The following MBNL2 variants were observed in gnomAD, a reference collection of about 807,000 sequenced individuals.
MBNL2 encodes muscleblind-like protein 2.
MBNL2 carries 17 observed loss-of-function variants against 41.9 expected under a neutral mutation model. The observed-to-expected ratio is 0.41, with a 90% CI of 0.28 to 0.61. MBNL2 has a LOEUF of 0.61. Among genes scored for constraint, MBNL2 ranks in the 20% least tolerant of loss-of-function variants. The pLI, the probability that MBNL2 is intolerant of heterozygous loss-of-function variation, is 0.35. For missense variants in MBNL2, 336 were observed against 505.6 expected (o/e 0.66, Z 3.22); for synonymous variants, 195 against 182.9 (o/e 1.07, Z -0.53).
At chr13:97,358,953 T>C (rs1334412250) in intron 7 of MBNL2, among the ~76,000 whole-genome samples, 2 of 152,202 alleles carry the variant, frequency 1.3e-5, no homozygotes, top group Admixed American at 6.5e-5. Context: ...ACAATACATA[T>C]TTTAGTTAAC....
At chr13:97,314,222 A>G (rs953853158) in intron 2 of MBNL2, among the ~76,000 whole-genome samples, 1 of 152,012 alleles carries the variant, frequency 6.6e-6, no homozygotes, top group African/African-American at 2.4e-5. Context: ...GGACCATTGC[A>G]TTTCCTCACT....
upstream of MBNL2, among the ~76,000 whole-genome samples, chr13:97,218,430 C>CAAAAAAAAAAAAAAAAAA (rs746110575): frequency 7.2e-5 from 5 of 69,034 alleles, no homozygotes; most frequent in African/African-American, 2.0e-4. Context: ...AAAAACAAAA[C>CAAAAAAAAAAAAAAAAAA]AAAACAAAAC....
chr13:97,232,650 CAGTTGTA>C (rs1436912919), intron 1 of MBNL2, among the ~76,000 whole-genome samples: 1 of 152,138 alleles, frequency 6.6e-6, no homozygotes, highest in Non-Finnish European at 1.5e-5. Context: ...ACTTCCCCGA[CAGTTGTA>C]AGTACTGTTA....
chr13:97,245,123 T>C (rs1021656013), intron 1 of MBNL2, among the ~76,000 whole-genome samples: 2 of 152,176 alleles, frequency 1.3e-5, no homozygotes, highest in Non-Finnish European at 2.9e-5. Flanking sequence ...AGGATTAGGT[T>C]AAGACTTAAT....
chr13:97,177,383 A>G, the MBNL2 span, among the ~76,000 whole-genome samples: 1 of 152,178 alleles, frequency 6.6e-6, no homozygotes, highest in Non-Finnish European at 1.5e-5. Context: ...CAGCCATGAA[A>G]GAACAATATG....
intron 2 of MBNL2, among the ~76,000 whole-genome samples, chr13:97,290,111 G>T (rs2055522046): frequency 6.6e-6 from 1 of 152,118 alleles, no homozygotes. Flanking sequence ...ACCAGTTCTG[G>T]TTTGGAGCCA....
the MBNL2 span, among the ~76,000 whole-genome samples, chr13:97,207,532 C>T: frequency 6.6e-6 from 1 of 152,160 alleles, no homozygotes; most frequent in South Asian, 2.1e-4. Flanking sequence ...TCTTGTGAGA[C>T]TTATTCACTG....
the MBNL2 span, among the ~76,000 whole-genome samples, chr13:97,163,182 A>C: frequency 2.6e-5 from 4 of 152,190 alleles, no homozygotes; most frequent in South Asian, 8.3e-4. Flanking sequence ...TTGAAGGATA[A>C]CATCTTTGGT....
chr13:97,147,671 A>G, the MBNL2 span, among the ~76,000 whole-genome samples: 2 of 152,222 alleles, frequency 1.3e-5, no homozygotes, highest in East Asian at 1.9e-4. Flanking sequence ...GGAAAGAAAT[A>G]GCATTACAGC....
At chr13:97,147,958 G>A in the MBNL2 span, among the ~76,000 whole-genome samples, 1 of 152,136 alleles carries the variant, frequency 6.6e-6, no homozygotes, top group Non-Finnish European at 1.5e-5. Flanking sequence ...AGCAAAGGGA[G>A]GCAACTAGAA....
the MBNL2 span, among the ~76,000 whole-genome samples, chr13:97,178,656 G>A: frequency 6.6e-6 from 1 of 152,164 alleles, no homozygotes; most frequent in African/African-American, 2.4e-5. Context: ...AGTACTTTGG[G>A]AGGCCAAGGC....
chr13:97,289,071 G>C lies in MBNL2; in HGVS notation c.174+12662G>C, dbSNP rs531893846. Among the ~76,000 whole-genome samples, 5 of 152,260 alleles carry C rather than the reference G, an allele frequency of 3.3e-5. No homozygotes were observed. The East Asian group carries it at 9.7e-4, about 29-fold the overall frequency. Reference sequence around the variant, plus strand: ...CAGAATGGCTAGATTCAACTTCAGGGATGATTATATTTCATTTAGATTATT... The same window carrying C: ...CAGAATGGCTAGATTCAACTTCAGGCATGATTATATTTCATTTAGATTATT... On this transcript the variant is annotated intron_variant, in intron 2 of 8. Coordinates refer to ENST00000679496, the MANE Select transcript of MBNL2 (RefSeq NM_001382683.1).
rs749941533 is a variant in MBNL2, at chr13:97,347,088, C to T, written c.804+21C>T. The T allele has an allele frequency of 4.0e-6, 6 of 1,508,978 alleles. No individual in the cohort carries two copies. The South Asian group carries it at 6.4e-5, about 16-fold the overall frequency. 93.5% of individuals were successfully genotyped at this position (1,508,978 alleles called of 1,614,324 possible). A position where few individuals can be genotyped will look rare whatever the true frequency, so the allele number is the denominator to read the frequency against. On this transcript the variant is annotated intron_variant, in intron 5 of 8. Coordinates refer to ENST00000679496, the MANE Select transcript of MBNL2 (RefSeq NM_001382683.1). Reference sequence around the variant, plus strand: ...TCATGGTAAGTGCGGCCGCCCGCCGCCCCTGCACCCCGGCGCCTCTGCGGA... The same window carrying T: ...TCATGGTAAGTGCGGCCGCCCGCCGTCCCTGCACCCCGGCGCCTCTGCGGA...
chr13:97,205,371 C>G, the MBNL2 span, among the ~76,000 whole-genome samples: 10 of 151,228 alleles, frequency 6.6e-5, no homozygotes, highest in African/African-American at 2.4e-4. Context: ...GCCTGGGTGA[C>G]AGAGCGAGAC....
chr13:97,210,955 T>C, the MBNL2 span, among the ~76,000 whole-genome samples: 1 of 151,584 alleles, frequency 6.6e-6, no homozygotes, highest in East Asian at 1.9e-4. Flanking sequence ...GGGATTTTTG[T>C]GTATGGAGAA....
chr13:97,144,877 C>G, the MBNL2 span, among the ~76,000 whole-genome samples: 2 of 152,138 alleles, frequency 1.3e-5, no homozygotes, highest in Non-Finnish European at 2.9e-5. Flanking sequence ...GCAAAGTATT[C>G]GGAAGGACCC....
intron 8 of MBNL2, among the ~76,000 whole-genome samples, chr13:97,382,610 C>T (rs2065562824): frequency 6.6e-6 from 1 of 151,902 alleles, no homozygotes; most frequent in African/African-American, 2.4e-5. Flanking sequence ...GGGTAGCCAC[C>T]AGACCCATTC....
the MBNL2 span, among the ~76,000 whole-genome samples, chr13:97,167,504 AAATT>A: frequency 2.6e-5 from 4 of 152,220 alleles, no homozygotes; most frequent in African/African-American, 9.6e-5. Flanking sequence ...AAGCTAGAAG[AAATT>A]AATTTCCTTT....
At chr13:97,377,888 G>A (rs1000765746) in intron 8 of MBNL2, among the ~76,000 whole-genome samples, 1 of 152,158 alleles carries the variant, frequency 6.6e-6, no homozygotes, top group Non-Finnish European at 1.5e-5. Context: ...TTGATCAGTT[G>A]GTTGAATGGT....
Sources: allele counts gnomAD v4.1 joint callset (sites outside exome capture counted in the v4.1 genomes callset), GRCh38; gene constraint gnomAD v4.1.1; transcripts MANE v1.5; gene names NCBI Gene and HGNC (gene_info 2026-07-23, HGNC 2026-07-21).